Variants in ADD1 observed in about 807,000 individuals in gnomAD.
The protein encoded by ADD1 is alpha-adducin.
Under a neutral mutation model 80.5 loss-of-function variants are expected in ADD1, and 24 were observed. The observed-to-expected ratio is 0.30, with a 90% CI of 0.22 to 0.42. The LOEUF (loss-of-function observed/expected upper bound fraction) is 0.42. ADD1 is among the 10% of genes least tolerant of loss of function. ADD1 has a pLI of 1.00. For missense variants in ADD1, 948 were observed against 1,019.0 expected (o/e 0.93, Z 0.95); for synonymous variants, 373 against 393.8 (o/e 0.95, Z 0.63).
chr4:2,911,448 A>T (rs201955786), intron 13 of ADD1, among the ~76,000 whole-genome samples: 7,854 of 130,416 alleles, frequency 0.06, 352 homozygotes, highest in Middle Eastern at 0.13. Flanking sequence ...ATATATATAT[A>T]TTTTTTTTTT....
intron 8 of ADD1, chr4:2,898,990 CG>C: frequency 2.2e-6 from 1 of 446,364 alleles, no homozygotes; most frequent in South Asian, 2.7e-5. Flanking sequence ...ATGTCTGTGG[CG>C]TAGTGAAGTC....
At chr4:2,866,942 G>A (rs572237209) in intron 1 of ADD1, among the ~76,000 whole-genome samples, 7 of 152,204 alleles carry the variant, frequency 4.6e-5, no homozygotes, top group South Asian at 2.1e-4. Flanking sequence ...ATGGTGGCAC[G>A]CTCCTGTAGT....
chr4:2,898,122 AT>A (rs746733652), intron 6 of ADD1, 61 bp from the exon 7 acceptor site: 1 of 1,527,858 alleles, frequency 6.5e-7, no homozygotes, highest in South Asian at 1.2e-5. Context: ...AGCATTTACC[AT>A]ATCATCAGTC....
chr4:2,903,122 A>G (rs2109051839), intron 9 of ADD1, among the ~76,000 whole-genome samples: 1 of 152,296 alleles, frequency 6.6e-6, no homozygotes, highest in South Asian at 2.1e-4. Flanking sequence ...CAGAGGGGAG[A>G]GAGAATTCTG....
intron 4 of ADD1, among the ~76,000 whole-genome samples, chr4:2,885,230 C>A (rs996263909): frequency 1.3e-5 from 2 of 152,090 alleles, no homozygotes; most frequent in African/African-American, 4.8e-5. Flanking sequence ...ATTTCATAGT[C>A]CCTCATTTCA....
At chr4:2,885,649 G>T (rs547634537) in intron 4 of ADD1, among the ~76,000 whole-genome samples, 132 of 150,196 alleles carry the variant, frequency 8.8e-4, no homozygotes, top group African/African-American at 2.9e-3. Context: ...TTGCTCTGTT[G>T]CCCAGGCTGG....
At chr4:2,855,463 C>T (rs1727917273) in intron 1 of ADD1, among the ~76,000 whole-genome samples, 1 of 151,266 alleles carries the variant, frequency 6.6e-6, no homozygotes, top group Non-Finnish European at 1.5e-5. Flanking sequence ...AAATGACATA[C>T]TCTTAATATT....
chr4:2,881,001 A>G (rs1348436579), intron 2 of ADD1, among the ~76,000 whole-genome samples: 3 of 152,054 alleles, frequency 2.0e-5, no homozygotes, highest in Non-Finnish European at 4.4e-5. Flanking sequence ...TGCAAAGGAT[A>G]AAGTAGAATA....
intron 1 of ADD1, among the ~76,000 whole-genome samples, chr4:2,864,727 C>T (rs1417955828): frequency 6.6e-6 from 1 of 151,632 alleles, no homozygotes; most frequent in Non-Finnish European, 1.5e-5. Flanking sequence ...AGTCTACTCT[C>T]CAGGAGGTGG....
At chr4:2,895,257 A>G (rs1469542168) in intron 6 of ADD1, among the ~76,000 whole-genome samples, 1 of 152,150 alleles carries the variant, frequency 6.6e-6, no homozygotes, top group Non-Finnish European at 1.5e-5. Flanking sequence ...CCTTGTCTCA[A>G]AAAAATAAAA....
In ADD1 at chr4:2,926,623, G is replaced by C. The variant is rs913606581; in HGVS notation, c.2047+511G>C. On this transcript the variant is annotated intron_variant, in intron 15 of 15. Coordinates refer to ENST00000683351, the MANE Select transcript of ADD1 (RefSeq NM_001354761.2). The surrounding 1 kb of genome is among the most constrained non-coding windows in gnomAD (Gnocchi z 5.0). ...TCTCTCCTTGTGCTTTTTTCTCCCT[G>C]TGGCTGCGTCACAAGCAGGAGACGG... 3.7e-6 allele frequency: 6 copies of C among 1,613,338 alleles called. 1 individual carries two copies. The South Asian group carries it at 4.4e-5, about 12-fold the overall frequency.
rs1470603279 is a variant in ADD1, at chr4:2,929,300, G to C, written c.*777G>C. The C allele has an allele frequency of 6.6e-6, 1 of 152,262 alleles. No homozygotes were observed. The highest frequency in any genetic ancestry group is 1.9e-4 in the East Asian group (1 of 5,188). 9.4% of individuals were successfully genotyped at this position (152,262 alleles called of 1,614,324 possible). A position where few individuals can be genotyped will look rare whatever the true frequency, so the allele number is the denominator to read the frequency against. On this transcript the variant is annotated 3_prime_UTR_variant, in exon 16 of 16. Transcript: ENST00000683351. ...GCTTACATTTTTCGACTGTGAACGT[G>C]AATAGGCTGCTTTTTGCTTTCTTCT...
intron 4 of ADD1, among the ~76,000 whole-genome samples, chr4:2,885,032 A>G (rs1206041319): frequency 6.6e-6 from 1 of 152,138 alleles, no homozygotes; most frequent in Non-Finnish European, 1.5e-5. Context: ...CAGCTACTCT[A>G]GTTTTAACTA....
At chr4:2,923,077 A>T (rs1192203205) in intron 14 of ADD1, among the ~76,000 whole-genome samples, 1 of 152,154 alleles carries the variant, frequency 6.6e-6, no homozygotes, top group Non-Finnish European at 1.5e-5. Flanking sequence ...GCTGGGCTCC[A>T]TGGGGGTGGG....
chr4:2,907,437 G>C lies in ADD1; in HGVS notation c.1507-306G>C, dbSNP rs1577669425. On this transcript the variant is annotated intron_variant, in intron 10 of 15. Coordinates refer to ENST00000683351, the MANE Select transcript of ADD1 (RefSeq NM_001354761.2). ...TGGTCTCTGAGGGGCCTCCCCTGCT[G>C]GTCCCAGGGTTATGGGGCTCAGCTC... 3 of 248,678 alleles carry C rather than the reference G, an allele frequency of 1.2e-5. No homozygotes were observed. The South Asian group carries it at 1.5e-4, about 13-fold the overall frequency. 15.4% of individuals were successfully genotyped at this position (248,678 alleles called of 1,614,324 possible).
intron 1 of ADD1, among the ~76,000 whole-genome samples, chr4:2,869,277 G>A (rs1159139869): frequency 2.0e-5 from 3 of 152,144 alleles, no homozygotes; most frequent in South Asian, 2.1e-4. Context: ...GGTTCCTCCC[G>A]AGGCTGTGAG....
chr4:2,918,310 C>T (rs962229507), intron 14 of ADD1, among the ~76,000 whole-genome samples: 2 of 152,142 alleles, frequency 1.3e-5, no homozygotes, highest in Non-Finnish European at 2.9e-5. Flanking sequence ...CATGATTTGA[C>T]TCTTTGTCAA....
chr4:2,852,138 T>TTTTCTTTTC (rs1727191748), intron 1 of ADD1, among the ~76,000 whole-genome samples: 2 of 97,666 alleles, frequency 2.0e-5, no homozygotes, highest in South Asian at 8.4e-4. Flanking sequence ...ACCCGGCCTC[T>TTTTCTTTTC]TTTCTTTCTT....
At chr4:2,852,138 T>TTTTCTTTCTTTCTTTCTTTCTTTCTTTC (rs754218185) in intron 1 of ADD1, among the ~76,000 whole-genome samples, 10 of 97,666 alleles carry the variant, frequency 1.0e-4, no homozygotes, top group Middle Eastern at 5.1e-3. Flanking sequence ...ACCCGGCCTC[T>TTTTCTTTCTTTCTTTCTTTCTTTCTTTC]TTTCTTTCTT....
Sources: gnomAD v4.1 joint callset for allele counts (sites outside exome capture counted in the v4.1 genomes callset) on GRCh38, gnomAD v4.1.1 for gene constraint, Gnocchi (gnomAD v3.1) non-coding constraint, MANE v1.5 for transcripts, NCBI Gene and HGNC (gene_info 2026-07-23, HGNC 2026-07-21) for gene names.